The following CCDC57 variants were observed in gnomAD, a reference collection of about 807,000 sequenced individuals.
The protein encoded by CCDC57 is coiled-coil domain containing 57, also known as coiled-coil domain-containing protein 57.
CCDC57 carries 118 observed loss-of-function variants against 118.9 expected under a neutral mutation model. The ratio of observed to expected loss-of-function variants is 0.99; its 90% CI spans 0.86 to 1.16. CCDC57 has a LOEUF of 1.16. CCDC57 is among the 50% of genes most tolerant of loss of function. CCDC57 has a pLI of 0.00. For missense variants in CCDC57, 1,300 were observed against 1,320.7 expected (o/e 0.98, Z 0.24); for synonymous variants, 527 against 532.9 (o/e 0.99, Z 0.15).
exon 16 of CCDC57, chr17:82,151,576 C>G: frequency 6.4e-7 from 1 of 1,550,388 alleles, no homozygotes; most frequent in Non-Finnish European, 8.7e-7. Flanking sequence ...GTCGGCCCAG[C>G]TCTGCACGGA....
Position 82,184,055 on chromosome 17 carries a change from A to G in CCDC57, c.1053-123T>C, listed in dbSNP as rs902716638. 63 of 569,346 alleles carry G rather than the reference A, an allele frequency of 1.1e-4. 1 individual carries two copies. The highest frequency in any genetic ancestry group is 5.5e-4 in the Middle Eastern group (2 of 3,664). 35.3% of individuals were successfully genotyped at this position (569,346 alleles called of 1,614,324 possible). ...CGCACACACACACACACACACACAC[A>G]CACACACACACACACACACACACAC... On this transcript the variant is annotated intron_variant, in intron 8 of 19. Transcript: ENST00000665763.
intron 19 of CCDC57, chr17:82,113,649 C>T: frequency 1.4e-6 from 1 of 717,288 alleles, no homozygotes; most frequent in Non-Finnish European, 2.6e-6. Context: ...CCACTCCACG[C>T]CAGGCTGGGC....
rs71166189 is a variant in CCDC57, at chr17:82,133,431, C to CAAAA, written c.2577+638_2577+641dup. ...TGGGTGACAGAGCCAGGCCCTGTCT[C>CAAAA]AAAAAAAAAAAAAAAAAAAAAAAAT... is the stretch of plus-strand genomic sequence containing the variant. On this transcript the variant is annotated intron_variant, in intron 17 of 19. Transcript: ENST00000665763. Among the ~76,000 whole-genome samples the CAAAA allele has an allele frequency of 8.6e-3, 332 of 38,384 alleles. 28 individuals carry two copies. Among genetic ancestry groups the CAAAA allele is most frequent in the African/African-American group, 0.033 (325 of 9,712 alleles). 25.2% of individuals were successfully genotyped at this position (38,384 alleles called of 152,430 possible).
At chr17:82,199,088 C>T (rs1387750784) in intron 3 of CCDC57, among the ~76,000 whole-genome samples, 8 of 151,334 alleles carry the variant, frequency 5.3e-5, no homozygotes, top group Non-Finnish European at 1.0e-4. Flanking sequence ...ATGACACAGA[C>T]GCTGGAATTC....
exon 20 of CCDC57, chr17:82,101,534 C>T (rs1364226785): frequency 1.5e-6 from 1 of 678,626 alleles, no homozygotes; most frequent in Middle Eastern, 4.1e-4. Flanking sequence ...AGCAGGGTCG[C>T]CTCAGCAGCA....
intron 9 of CCDC57, among the ~76,000 whole-genome samples, chr17:82,182,546 G>GT (rs1223415554): frequency 6.6e-5 from 10 of 151,982 alleles, no homozygotes; most frequent in African/African-American, 2.4e-4. Flanking sequence ...TAGAGATGGG[G>GT]TTTTACCATG....
At chr17:82,168,333 G>A (rs1305234554) in intron 13 of CCDC57, among the ~76,000 whole-genome samples, 2 of 152,154 alleles carry the variant, frequency 1.3e-5, no homozygotes, top group Non-Finnish European at 2.9e-5. Flanking sequence ...AGTGGCTCAC[G>A]CCTGTAATTC....
intron 19 of CCDC57, among the ~76,000 whole-genome samples, chr17:82,119,773 G>A (rs919318563): frequency 5.1e-4 from 77 of 152,018 alleles, no homozygotes; most frequent in African/African-American, 1.9e-3. Flanking sequence ...GAGGCTGGAC[G>A]TGCTGGGCCC....
intron 17 of CCDC57, among the ~76,000 whole-genome samples, chr17:82,130,022 C>T (rs749612563): frequency 3.3e-5 from 5 of 151,972 alleles, no homozygotes; most frequent in Non-Finnish European, 5.9e-5. Context: ...CATATTGAGA[C>T]CCCCTATCTG....
chr17:82,157,765 C>G, exon 15 of CCDC57: 2 of 1,599,772 alleles, frequency 1.3e-6, no homozygotes, highest in South Asian at 2.3e-5. Context: ...CCAAGGGCCA[C>G]GGCGTCCGAG....
At chr17:82,115,723 G>A (rs755209675) in intron 19 of CCDC57, among the ~76,000 whole-genome samples, 2 of 150,540 alleles carry the variant, frequency 1.3e-5, no homozygotes, top group Middle Eastern at 3.4e-3. Flanking sequence ...AGCTGAGATC[G>A]CACCACTGCA....
At chr17:82,209,587 GTCC>G (rs2050026277) in intron 1 of CCDC57, among the ~76,000 whole-genome samples, 1 of 151,090 alleles carries the variant, frequency 6.6e-6, no homozygotes, top group South Asian at 2.1e-4. Flanking sequence ...AGCTCAGATG[GTCC>G]TCCTACCTCA....
In CCDC57 at chr17:82,195,362, T is replaced by A. The variant is rs141479688; in HGVS notation, c.519A>T (p.Glu173Asp). 7.0e-4 allele frequency: 1,113 copies of A among 1,587,140 alleles called. 15 individuals are homozygous for A. The East Asian group carries it at 0.023, about 32-fold the overall frequency. Residue 173 changes from glutamate (E) to aspartate (D), a missense_variant and splice_region_variant, in exon 5 of 20, where the codon GAA becomes GAT. Glu to Asp is a conservative substitution (Grantham distance 45). Coordinates refer to ENST00000665763, the Ensembl canonical transcript of CCDC57. ...TTTTCGATTCAAACTCCAGCAGCAGTTCCTGGAACAAACAGGTTTCATGAT... is the reference window on the plus strand; with the variant it reads ...TTTTCGATTCAAACTCCAGCAGCAGATCCTGGAACAAACAGGTTTCATGAT...
chr17:82,171,882 C>T, intron 12 of CCDC57, 29 bp from the exon 12 acceptor site: 1 of 1,598,636 alleles, frequency 6.3e-7, no homozygotes. Flanking sequence ...GTGAATATAA[C>T]ACATACACAG....
intron 16 of CCDC57, among the ~76,000 whole-genome samples, chr17:82,137,778 G>T (rs1056722494): frequency 1.7e-4 from 26 of 151,178 alleles, no homozygotes; most frequent in African/African-American, 6.3e-4. Context: ...GGTTCAAGCG[G>T]TTCTCCTTCC....
At chr17:82,205,810 C>T (rs1444973348) in intron 2 of CCDC57, among the ~76,000 whole-genome samples, 1 of 152,170 alleles carries the variant, frequency 6.6e-6, no homozygotes, top group South Asian at 2.1e-4. Flanking sequence ...GCATCTCCAG[C>T]GCTTTATCCA....
intron 19 of CCDC57, among the ~76,000 whole-genome samples, chr17:82,104,189 C>T (rs1289561172): frequency 6.6e-6 from 1 of 152,240 alleles, no homozygotes; most frequent in East Asian, 1.9e-4. Flanking sequence ...GCCTTCTCGC[C>T]TGACCTGTTT....
chr17:82,183,639 CT>C (rs2146499324), intron 9 of CCDC57, 134 bp downstream of exon 8: 2 of 884,322 alleles, frequency 2.3e-6, no homozygotes, highest in East Asian at 2.7e-5. Flanking sequence ...TTCTATCTGT[CT>C]TGTTCACTGT....
intron 16 of CCDC57, among the ~76,000 whole-genome samples, chr17:82,135,920 TA>T (rs1212743440): frequency 2.0e-4 from 31 of 151,818 alleles, no homozygotes; most frequent in South Asian, 1.7e-3. Flanking sequence ...TTTTTAAATA[TA>T]AAAAAAATAA....
Sources: gnomAD v4.1 joint callset for allele counts (sites outside exome capture counted in the v4.1 genomes callset) on GRCh38, gnomAD v4.1.1 for gene constraint, MANE v1.5 for transcripts, NCBI Gene and HGNC (gene_info 2026-07-23, HGNC 2026-07-21) for gene names.